The following PSMC6 variants were observed in gnomAD, a reference collection of about 807,000 sequenced individuals.
PSMC6 encodes the protein 26S proteasome regulatory subunit 10B.
In PSMC6, 3 loss-of-function variants were observed where a neutral mutation model predicts 55.9. That is an observed-to-expected ratio of 0.05 (90% CI 0.02 to 0.14). PSMC6 has a LOEUF of 0.14. Ranked by LOEUF, PSMC6 falls within the 10% of genes least tolerant of loss-of-function variation. The probability of loss-of-function intolerance (pLI) is 1.00; values close to 1 mark genes in which losing one functional copy is unlikely to be tolerated. For missense variants in PSMC6, 210 were observed against 478.7 expected, an observed-to-expected ratio of 0.44 and a Z score of 5.24; for synonymous variants, 137 against 155.9, an observed-to-expected ratio of 0.88 and a Z score of 0.90.
At chr14:52,726,503 C>G (rs938050245) in intron 13 of PSMC6, among the ~76,000 whole-genome samples, 1 of 152,064 alleles carries the variant, frequency 6.6e-6, no homozygotes, top group Non-Finnish European at 1.5e-5. Context: ...TAAATGTGTG[C>G]CTTCCAGCAA....
intron 12 of PSMC6, 67 bp from the exon 13 acceptor site, chr14:52,723,898 C>A: frequency 6.3e-7 from 1 of 1,580,988 alleles, no homozygotes; most frequent in Non-Finnish European, 8.6e-7. Flanking sequence ...TTTAAATTTT[C>A]GATGTGGGCA....
At chr14:52,722,911 T>G (rs1880257457) in intron 12 of PSMC6, 1 of 152,204 alleles carries the variant, frequency 6.6e-6, no homozygotes, top group South Asian at 2.1e-4. Flanking sequence ...ATAAAAAGTT[T>G]GCTGACCTCC....
intron 12 of PSMC6, chr14:52,722,557 G>A (rs1002933983): frequency 2.6e-5 from 4 of 152,190 alleles, no homozygotes; most frequent in Admixed American, 6.5e-5. Context: ...ACTTGTGGAA[G>A]TGTTTTTTTC....
chr14:52,716,305 A>T lies in PSMC6; in HGVS notation c.530-1776A>T, dbSNP rs182873924. On this transcript the variant is annotated intron_variant, in intron 7 of 13. Coordinates refer to ENST00000445930, the MANE Select transcript of PSMC6 (RefSeq NM_002806.5). ...GGAGGTTCCTCAAAAAACTAAAAAT[A>T]GAATTACCATATGATTCAGCAATCC... 5.2e-3 allele frequency among the ~76,000 whole-genome samples: 787 copies of T among 152,376 alleles called. 6 individuals are homozygous for T. The highest frequency in any genetic ancestry group is 0.045 in the East Asian group (234 of 5,190).
chr14:52,726,108 G>A (rs944678614), intron 13 of PSMC6, among the ~76,000 whole-genome samples: 1 of 152,164 alleles, frequency 6.6e-6, no homozygotes. Flanking sequence ...GGAAATTTTA[G>A]AATTCATTTA....
At position 52,724,021 on chromosome 14, in the gene PSMC6, G is replaced by A. The variant is rs1179096966; in HGVS notation, c.1036G>A (p.Val346Ile). 1.9e-6 allele frequency: 3 copies of A among 1,613,648 alleles called. No homozygotes were observed. The highest frequency in any genetic ancestry group is 2.2e-5 in the East Asian group (1 of 44,852). Residue 346 changes from valine (V) to isoleucine (I), a missense_variant, in exon 13 of 14, where the codon GTT becomes ATT. This residue lies in a region of PSMC6 where 79 missense variants were observed against 158.7 expected (regional missense o/e 0.50). Transcript: ENST00000445930. ...CTTTAATGGAGCAGATCTGAGAAAT[G>A]TTTGTACTGAAGCAGGTAAGGGTTT... The part of the protein sequence containing the change: ...DGFNGADLRN[V>I]CTEAGMFAIR...
chr14:52,710,930 T>G, intron 4 of PSMC6, 171 bp from the exon 5 acceptor site: 11 of 606,192 alleles, frequency 1.8e-5, no homozygotes, highest in South Asian at 5.3e-5. Context: ...TGGAAATCAC[T>G]TTGAATTACT....
intron 7 of PSMC6, among the ~76,000 whole-genome samples, chr14:52,716,583 G>A (rs1594850817): frequency 2.0e-5 from 3 of 152,012 alleles, no homozygotes; most frequent in African/African-American, 4.8e-5. Flanking sequence ...GAGAAACCCC[G>A]TCTCTGCTGA....
At chr14:52,727,018 ATT>A (rs66797420) in intron 13 of PSMC6, among the ~76,000 whole-genome samples, 4 of 102,134 alleles carry the variant, frequency 3.9e-5, no homozygotes, top group African/African-American at 1.6e-4. Context: ...ACCGCTATGG[ATT>A]TTTTTTTTTT....
chr14:52,709,755 TA>T, intron 4 of PSMC6: 1 of 299,098 alleles, frequency 3.3e-6, no homozygotes, highest in Non-Finnish European at 6.5e-6. Context: ...TTTCAGGTTT[TA>T]GAATATTTGT....
At chr14:52,716,603 A>T (rs979418773) in intron 7 of PSMC6, among the ~76,000 whole-genome samples, 4 of 152,136 alleles carry the variant, frequency 2.6e-5, no homozygotes, top group African/African-American at 9.7e-5. Flanking sequence ...AAAATACAAA[A>T]TTAGCTGGGT....
intron 4 of PSMC6, 55 bp downstream of exon 4, chr14:52,708,871 G>T: frequency 6.3e-7 from 1 of 1,599,490 alleles, no homozygotes; most frequent in Non-Finnish European, 8.5e-7. Flanking sequence ...TTTCATGTAA[G>T]TTATTGTCTC....
chr14:52,718,926 G>T, intron 9 of PSMC6, 51 bp from the exon 10 acceptor site: 2 of 1,371,136 alleles, frequency 1.5e-6, no homozygotes, highest in Non-Finnish European at 2.1e-6. Flanking sequence ...TTAAATGATG[G>T]TTGTAGAGGA....
At chr14:52,717,402 A>G (rs976992598) in intron 7 of PSMC6, among the ~76,000 whole-genome samples, 2 of 129,532 alleles carry the variant, frequency 1.5e-5, no homozygotes, top group East Asian at 4.6e-4. Flanking sequence ...TGGCGAGATT[A>G]TAAGCTCACT....
rs745763726 is a variant in PSMC6, at chr14:52,707,283, A to C, written c.64A>C (p.Ile22Leu). The C allele has an allele frequency of 6.2e-7, 1 of 1,614,018 alleles. No individual in the cohort carries two copies. The highest frequency in any genetic ancestry group is 8.5e-7 in the Non-Finnish European group (1 of 1,180,018). Residue 22 changes from isoleucine (I) to leucine (L), a missense_variant, in exon 1 of 14, where the codon ATC (isoleucine) becomes CTC (leucine). Around this residue, in one of 4 missense-constraint regions of PSMC6, gnomAD observed 101 missense variants for 250.4 expected, o/e 0.40. Coordinates refer to ENST00000445930, the MANE Select transcript of PSMC6 (RefSeq NM_002806.5). Reference sequence around the variant, plus strand: ...CAAGAAGTTGCTTGAACACAAGGAGATCGACGGCCGTCTTAAGGAGTGTGA... The same window carrying C: ...CAAGAAGTTGCTTGAACACAAGGAGCTCGACGGCCGTCTTAAGGAGTGTGA... ...YRKKLLEHKE[I>L]DGRLKELREQ...
At chr14:52,718,018 C>T in intron 7 of PSMC6, 63 bp from the exon 8 acceptor site, 2 of 1,481,158 alleles carry the variant, frequency 1.4e-6, no homozygotes, top group South Asian at 1.1e-5. Context: ...GAGTGATTGC[C>T]TGTCTCAAAA....
At chr14:52,711,601 G>A in intron 6 of PSMC6, 77 bp downstream of exon 6, 3 of 924,544 alleles carry the variant, frequency 3.2e-6, no homozygotes, top group East Asian at 2.7e-5. Flanking sequence ...AGGAGAAACA[G>A]GATGAAAAAG....
At chr14:52,726,653 T>C (rs974206649) in intron 13 of PSMC6, among the ~76,000 whole-genome samples, 8 of 152,094 alleles carry the variant, frequency 5.3e-5, no homozygotes, top group African/African-American at 1.7e-4. Flanking sequence ...TTTTATTTTA[T>C]TTTTTTGAGA....
At chr14:52,710,503 C>G (rs1357736331) in intron 4 of PSMC6, 1 of 152,616 alleles carries the variant, frequency 6.6e-6, no homozygotes, top group Non-Finnish European at 1.5e-5. Flanking sequence ...CTAGTAGATT[C>G]TAATTTTAGC....
Sources: allele counts gnomAD v4.1 joint callset (sites outside exome capture counted in the v4.1 genomes callset), GRCh38; gene constraint gnomAD v4.1.1; regional missense constraint gnomAD v4.1.1; transcripts MANE v1.5; gene names NCBI Gene and HGNC (gene_info 2026-07-23, HGNC 2026-07-21).